GUCY2F: variants seen among roughly 807,000 people sequenced by gnomAD.
The protein encoded by GUCY2F is guanylate cyclase 2F, retinal, also known as retinal guanylyl cyclase 2.
GUCY2F carries 61 observed loss-of-function variants against 73.1 expected under a neutral mutation model. The observed-to-expected ratio is 0.83, with a 90% CI of 0.68 to 1.03. The LOEUF is 1.03. Ranked by LOEUF, GUCY2F falls within the 50% of genes least tolerant of loss-of-function variation. The probability of loss-of-function intolerance (pLI) is 0.00; values close to 1 mark genes in which losing one functional copy is unlikely to be tolerated. For synonymous variants in GUCY2F, 331 were observed against 307.8 expected (o/e 1.08, Z -0.79); for missense variants, 912 against 854.3 (o/e 1.07, Z -0.84).
chrX:109,441,234 A>G (rs1323350577), intron 7 of GUCY2F, 117 bp downstream of exon 7: 1 of 416,438 alleles, frequency 2.4e-6, no homozygotes, highest in African/African-American at 2.5e-5. Flanking sequence ...CACAGACACC[A>G]AACTGGAAAG....
chrX:109,465,743 C>T (rs1372595533), intron 2 of GUCY2F, among the ~76,000 whole-genome samples: 5 of 111,828 alleles, frequency 4.5e-5, no homozygotes, highest in Admixed American at 2.8e-4. Context: ...TTGGAAAAAT[C>T]AGCTTTACAT....
intron 10 of GUCY2F, among the ~76,000 whole-genome samples, chrX:109,402,534 A>G (rs1039815057): frequency 2.2e-4 from 24 of 110,550 alleles, no homozygotes; most frequent in Non-Finnish European, 1.5e-4. Flanking sequence ...CACCACGCCC[A>G]GCTAATTTTT....
chrX:109,376,148 G>C lies in GUCY2F; in HGVS notation c.3170C>G (p.Thr1057Ser), dbSNP rs372240553. 83 of 1,188,905 alleles carry C rather than the reference G, an allele frequency of 7.0e-5. No homozygotes were observed. Among genetic ancestry groups the C allele is most frequent in the Non-Finnish European group, 8.9e-5 (78 of 875,712 alleles). Residue 1057 changes from threonine to serine, a missense_variant, in exon 18 of 20, where the codon ACC (threonine) becomes AGC (serine). Physicochemically the swap from Thr to Ser is moderately conservative, Grantham distance 58. Coordinates refer to ENST00000218006, the MANE Select transcript of GUCY2F (RefSeq NM_001522.3). ...GCCTTTTTTCCCAATCAGCCAGAAG[G>C]TTTCCTCTGTGCCTTTGCCCTTATT... ...TELKGKGTEE[T>S]FWLIGKKGFM... is the part of the protein sequence containing the mutation.
Position 109,418,381 on chromosome X carries a change from G to A in GUCY2F, c.1792-9213C>T, listed in dbSNP as rs935987532. Among the ~76,000 whole-genome samples, 47 of 112,019 alleles carry A rather than the reference G, an allele frequency of 4.2e-4. 1 individual carries two copies. Among genetic ancestry groups the A allele is most frequent in the Admixed American group, 3.9e-3 (42 of 10,639 alleles). ...CATTAATTTCAAATGTATGTGGAAT[G>A]TTCAGTAACACAGACCACATGCTTG... is the stretch of plus-strand genomic sequence containing the variant. On this transcript the variant is annotated intron_variant, in intron 8 of 19. Transcript: ENST00000218006.
chrX:109,424,469 T>C (rs1228925805), intron 8 of GUCY2F, among the ~76,000 whole-genome samples: 1 of 111,425 alleles, frequency 9.0e-6, no homozygotes, highest in Non-Finnish European at 1.9e-5. Context: ...CTGAAACTAT[T>C]CTGTATGTTG....
intron 10 of GUCY2F, among the ~76,000 whole-genome samples, chrX:109,402,282 C>CA (rs1327768092): frequency 9.0e-6 from 1 of 110,993 alleles, no homozygotes; most frequent in Admixed American, 9.5e-5. Flanking sequence ...GAGAGCCCTG[C>CA]AGCTATCCTT....
chrX:109,392,831 T>C, intron 13 of GUCY2F, 61 bp downstream of exon 13: 1 of 744,138 alleles, frequency 1.3e-6, no homozygotes, highest in East Asian at 3.3e-5. Context: ...TCTTTCTCTT[T>C]TTTTTTTTTA....
chrX:109,447,091 A>G (rs1267885720), intron 6 of GUCY2F, among the ~76,000 whole-genome samples: 1 of 112,183 alleles, frequency 8.9e-6, no homozygotes, highest in Non-Finnish European at 1.9e-5. Flanking sequence ...ATCTCACACC[A>G]GTTAGAATGG....
chrX:109,386,329 A>C (rs773853839), intron 15 of GUCY2F, among the ~76,000 whole-genome samples: 47 of 111,716 alleles, frequency 4.2e-4, no homozygotes, highest in Non-Finnish European at 7.7e-4. Context: ...TGACTCAATC[A>C]AGAAGGGTCC....
intron 15 of GUCY2F, among the ~76,000 whole-genome samples, chrX:109,387,886 G>T (rs1930472450): frequency 8.9e-6 from 1 of 111,904 alleles, no homozygotes; most frequent in South Asian, 3.7e-4. Flanking sequence ...GGCTTGTCAT[G>T]AATTCCAGAT....
At chrX:109,403,939 C>T (rs1274038919) in intron 10 of GUCY2F, among the ~76,000 whole-genome samples, 1 of 112,161 alleles carries the variant, frequency 8.9e-6, no homozygotes, top group South Asian at 3.7e-4. Flanking sequence ...TGCTGGTATG[C>T]TCTAGTGACG....
intron 10 of GUCY2F, among the ~76,000 whole-genome samples, chrX:109,400,762 C>A (rs1362595989): frequency 8.9e-6 from 1 of 112,076 alleles, no homozygotes; most frequent in Non-Finnish European, 1.9e-5. Flanking sequence ...AGTGATTTTG[C>A]CCCTATGTCT....
intron 8 of GUCY2F, among the ~76,000 whole-genome samples, chrX:109,409,675 T>TG (rs1445796704): frequency 9.0e-6 from 1 of 111,292 alleles, no homozygotes; most frequent in Non-Finnish European, 1.9e-5. Flanking sequence ...AATTGAATCA[T>TG]GGGGGCAGGT....
chrX:109,469,856 C>T (rs868637895), intron 2 of GUCY2F, among the ~76,000 whole-genome samples: 8 of 111,531 alleles, frequency 7.2e-5, no homozygotes, highest in African/African-American at 2.3e-4. Flanking sequence ...CCAACTGTGA[C>T]TCAGTGCAGG....
intron 8 of GUCY2F, among the ~76,000 whole-genome samples, chrX:109,429,489 C>T (rs1931565068): frequency 9.0e-6 from 1 of 111,455 alleles, no homozygotes; most frequent in Admixed American, 9.5e-5. Flanking sequence ...TAGGGCATGT[C>T]CTATCTTCCA....
At chrX:109,388,276 A>C (rs1007712954) in intron 15 of GUCY2F, among the ~76,000 whole-genome samples, 3 of 111,851 alleles carry the variant, frequency 2.7e-5, no homozygotes, top group African/African-American at 9.8e-5. Flanking sequence ...AGATTAAAAG[A>C]GTTTAGTACC....
intron 8 of GUCY2F, among the ~76,000 whole-genome samples, chrX:109,416,829 C>T (rs753211415): frequency 9.3e-6 from 1 of 108,065 alleles, no homozygotes; most frequent in African/African-American, 3.4e-5. Flanking sequence ...AGTCAAAACC[C>T]TGAAATATGA....
chrX:109,445,106 T>C (rs1312191907), intron 6 of GUCY2F, among the ~76,000 whole-genome samples: 3 of 111,763 alleles, frequency 2.7e-5, no homozygotes, highest in Non-Finnish European at 5.6e-5. Context: ...CTAACTTAAC[T>C]GTAATCCTCT....
intron 2 of GUCY2F, among the ~76,000 whole-genome samples, chrX:109,470,574 G>C (rs1204678558): frequency 9.0e-6 from 1 of 111,678 alleles, no homozygotes; most frequent in Non-Finnish European, 1.9e-5. Context: ...TCTCAAGTGA[G>C]TATGCTTCAG....
Sources: gnomAD v4.1 joint callset for allele counts (sites outside exome capture counted in the v4.1 genomes callset) on GRCh38, gnomAD v4.1.1 for gene constraint, MANE v1.5 for transcripts, NCBI Gene and HGNC (gene_info 2026-07-23, HGNC 2026-07-21) for gene names.